Variants in PTPRD observed in about 807,000 individuals in gnomAD.
The protein encoded by PTPRD is receptor-type tyrosine-protein phosphatase delta.
A neutral mutation model predicts 214.5 loss-of-function variants in PTPRD; 34 were observed. The ratio of observed to expected loss-of-function variants is 0.16; its 90% CI spans 0.12 to 0.21. The LOEUF is 0.21. Among genes scored for constraint, PTPRD ranks in the 10% least tolerant of loss-of-function variants. The pLI is 1.00. For synonymous variants in PTPRD, 1,128 were observed against 845.7 expected, an observed-to-expected ratio of 1.33 and a Z score of -5.79; for missense variants, 2,545 against 2,398.7, an observed-to-expected ratio of 1.06 and a Z score of -1.27.
At chr9:8,495,643 A>G (rs776509567) in intron 26 of PTPRD, among the ~76,000 whole-genome samples, 6 of 152,242 alleles carry the variant, frequency 3.9e-5, no homozygotes, top group Non-Finnish European at 8.8e-5. Context: ...TTTATTATAC[A>G]TTTAAAGCAT....
At chr9:8,960,453 G>C (rs1387021091) in intron 11 of PTPRD, among the ~76,000 whole-genome samples, 1 of 152,120 alleles carries the variant, frequency 6.6e-6, no homozygotes, top group Non-Finnish European at 1.5e-5. Context: ...TAGGCAGCAA[G>C]ATCAGTAAAA....
In PTPRD at chr9:9,079,243, T is replaced by C. The variant is rs1349302964; in HGVS notation, c.-142-60508A>G. Among the ~76,000 whole-genome samples the C allele has an allele frequency of 2.0e-5, 3 of 152,210 alleles. No homozygotes were observed. In the East Asian group the frequency reaches 5.8e-4, roughly 29 times the overall value. The stretch of plus-strand genomic sequence containing the variant: ...TCCCAGCCTCTAATATCCTCTGTTC[T>C]ACTGTTTACTTACATTAGATCAAAT... On this transcript the variant is annotated intron_variant, in intron 10 of 45. Transcript: ENST00000381196.
chr9:9,191,261 C>T (rs1488299432), intron 9 of PTPRD, among the ~76,000 whole-genome samples: 1 of 152,100 alleles, frequency 6.6e-6, no homozygotes, highest in Non-Finnish European at 1.5e-5. Context: ...ACGACAGAGA[C>T]TACTGAAGGC....
chr9:8,524,432 C>T (rs1213826737), intron 18 of PTPRD, among the ~76,000 whole-genome samples: 15 of 152,098 alleles, frequency 9.9e-5, no homozygotes, highest in Admixed American at 9.2e-4. Context: ...GTGCTATTTG[C>T]ATGTAGCACT....
At chr9:10,577,688 G>A (rs948206513) in intron 2 of PTPRD, among the ~76,000 whole-genome samples, 7 of 152,102 alleles carry the variant, frequency 4.6e-5, no homozygotes, top group Non-Finnish European at 8.8e-5. Context: ...TGATTTACCA[G>A]ACTAAATGGT....
chr9:10,120,161 G>T (rs1003725124), intron 3 of PTPRD, among the ~76,000 whole-genome samples: 33 of 152,090 alleles, frequency 2.2e-4, no homozygotes, highest in Admixed American at 2.0e-3. Context: ...TAATAACAAA[G>T]TATAATTACA....
At chr9:10,085,133 CTA>C (rs2098312592) in intron 3 of PTPRD, among the ~76,000 whole-genome samples, 1 of 151,778 alleles carries the variant, frequency 6.6e-6, no homozygotes, top group South Asian at 2.1e-4. Flanking sequence ...TTTAATATTT[CTA>C]TTTGTGTAAG....
intron 12 of PTPRD, among the ~76,000 whole-genome samples, chr9:8,647,381 T>G (rs2096717414): frequency 6.6e-6 from 1 of 152,228 alleles, no homozygotes; most frequent in African/African-American, 2.4e-5. Context: ...TTTTCCATGC[T>G]TATTTTACAT....
At chr9:8,728,573 A>T (rs1237967021) in intron 12 of PTPRD, among the ~76,000 whole-genome samples, 1 of 152,254 alleles carries the variant, frequency 6.6e-6, no homozygotes, top group Non-Finnish European at 1.5e-5. Context: ...GCATTTTAAT[A>T]ATATAAGAAA....
At chr9:8,638,815 C>A (rs2096506020) in intron 12 of PTPRD, among the ~76,000 whole-genome samples, 2 of 152,030 alleles carry the variant, frequency 1.3e-5, no homozygotes, top group African/African-American at 4.8e-5. Context: ...GTGGGAAGTA[C>A]TTAAAATAAT....
At chr9:8,672,655 T>C (rs563464578) in intron 12 of PTPRD, among the ~76,000 whole-genome samples, 3 of 152,160 alleles carry the variant, frequency 2.0e-5, no homozygotes, top group African/African-American at 7.2e-5. Flanking sequence ...TAAATACTCT[T>C]AGGAAAGCAC....
At chr9:10,593,680 T>C (rs1194882918) in intron 2 of PTPRD, among the ~76,000 whole-genome samples, 2 of 151,970 alleles carry the variant, frequency 1.3e-5, no homozygotes, top group African/African-American at 4.8e-5. Context: ...AGATTTTGAA[T>C]TTTCTAAAAA....
At chr9:9,050,939 G>A (rs896838580) in intron 10 of PTPRD, among the ~76,000 whole-genome samples, 3 of 152,016 alleles carry the variant, frequency 2.0e-5, no homozygotes, top group East Asian at 3.9e-4. Flanking sequence ...CATCCACTGG[G>A]GTCTTGGAAA....
intron 3 of PTPRD, among the ~76,000 whole-genome samples, chr9:10,058,158 C>T (rs449194): frequency 0.035 from 5,348 of 152,098 alleles, 321 homozygotes; most frequent in African/African-American, 0.12. Flanking sequence ...CCATTACCTT[C>T]GTTCTAGTGA....
intron 2 of PTPRD, among the ~76,000 whole-genome samples, chr9:10,557,826 T>C (rs2062959657): frequency 6.6e-6 from 1 of 152,174 alleles, no homozygotes; most frequent in African/African-American, 2.4e-5. Flanking sequence ...CAGACTTCTC[T>C]ACTACATAGC....
chr9:8,897,645 C>A (rs1254395218), intron 11 of PTPRD, among the ~76,000 whole-genome samples: 1 of 152,158 alleles, frequency 6.6e-6, no homozygotes, highest in Non-Finnish European at 1.5e-5. Flanking sequence ...TCAGTACCAA[C>A]CTGAACAATG....
chr9:10,478,973 A>T (rs2099080138), intron 2 of PTPRD, among the ~76,000 whole-genome samples: 2 of 152,098 alleles, frequency 1.3e-5, no homozygotes, highest in Non-Finnish European at 2.9e-5. Context: ...AAATATTAAT[A>T]ATTGAATAAA....
intron 8 of PTPRD, among the ~76,000 whole-genome samples, chr9:9,451,147 T>A (rs1357577518): frequency 1.3e-5 from 2 of 151,816 alleles, no homozygotes; most frequent in Admixed American, 1.3e-4. Flanking sequence ...TTGATATCCT[T>A]GAGCATCTGT....
At chr9:9,272,565 A>G (rs1320496593) in intron 9 of PTPRD, among the ~76,000 whole-genome samples, 2 of 151,316 alleles carry the variant, frequency 1.3e-5, no homozygotes, top group Admixed American at 6.6e-5. Flanking sequence ...AAGGGCGGTC[A>G]TCTGATGCCA....
Sources: allele counts gnomAD v4.1 joint callset (sites outside exome capture counted in the v4.1 genomes callset), GRCh38; gene constraint gnomAD v4.1.1; transcripts MANE v1.5; gene names NCBI Gene and HGNC (gene_info 2026-07-23, HGNC 2026-07-21).